The following WFDC9 variants were observed in gnomAD, a reference collection of about 807,000 sequenced individuals.
WFDC9 encodes the protein protein WFDC9.
A neutral mutation model predicts 9.5 loss-of-function variants in WFDC9; 9 were observed. That is an observed-to-expected ratio of 0.95 (90% CI 0.57 to 1.65). The LOEUF (loss-of-function observed/expected upper bound fraction) is 1.65. Among genes scored for constraint, WFDC9 ranks in the 40% most tolerant of loss-of-function variants. The pLI, the probability that WFDC9 is intolerant of heterozygous loss-of-function variation, is 0.00. For missense variants in WFDC9, 87 were observed against 106.7 expected, an observed-to-expected ratio of 0.82 and a Z score of 0.81; for synonymous variants, 33 against 32.3, an observed-to-expected ratio of 1.02 and a Z score of -0.07.
At chr20:45,619,607 T>C (rs757848159) in intron 1 of WFDC9, among the ~76,000 whole-genome samples, 29 of 152,308 alleles carry the variant, frequency 1.9e-4, no homozygotes, top group Middle Eastern at 6.8e-3. Flanking sequence ...AAAGTAATTA[T>C]GTAGGTAAAT....
chr20:45,625,807 CTTTTTTTTTTTT>C (rs76758338), intron 1 of WFDC9, among the ~76,000 whole-genome samples: 1 of 46,416 alleles, frequency 2.2e-5, no homozygotes, highest in Non-Finnish European at 3.7e-5. Context: ...GTTCTCTATT[CTTTTTTTTTTTT>C]TTTTTTTTTT....
chr20:45,626,417 A>G (rs555654697), intron 1 of WFDC9, among the ~76,000 whole-genome samples: 163 of 152,256 alleles, frequency 1.1e-3, no homozygotes, highest in African/African-American at 3.8e-3. Context: ...AACTCCTTCC[A>G]TCCATGAGCA....
At chr20:45,625,807 C>CTTCTTTTTTTTTTTTTTTTTTTT (rs1982204690) in intron 1 of WFDC9, among the ~76,000 whole-genome samples, 3 of 46,416 alleles carry the variant, frequency 6.5e-5, no homozygotes, top group Admixed American at 3.1e-4. Context: ...GTTCTCTATT[C>CTTCTTTTTTTTTTTTTTTTTTTT]TTTTTTTTTT....
At chr20:45,609,606 T>C (rs1981815761) in intron 3 of WFDC9, among the ~76,000 whole-genome samples, 1 of 152,182 alleles carries the variant, frequency 6.6e-6, no homozygotes, top group Admixed American at 6.5e-5. Context: ...AGTGTCTTTG[T>C]TGTCCACATT....
Position 45,608,137 on chromosome 20 carries a change from C to T in WFDC9, c.243G>A (p.Glu81=). ...AGGGGTTTAGCATTGATTTAAGGGG[C>T]TCTCTAGAAGAGAAAAGTTAGTCAA... ...YCGNICLDNE[E]PLKSMLNP is the part of the protein sequence containing the mutation. Residue 81 remains glutamate (E), a synonymous_variant, in exon 5 of 5, where the codon GAG becomes GAA. Transcript: ENST00000326000. 6.2e-7 allele frequency: 1 copy of T among 1,612,110 alleles called. No individual in the cohort carries two copies. Among genetic ancestry groups the T allele is most frequent in the Admixed American group, 1.7e-5 (1 of 59,420 alleles).
intron 1 of WFDC9, among the ~76,000 whole-genome samples, chr20:45,630,311 G>A (rs1982329292): frequency 6.6e-6 from 1 of 152,004 alleles, no homozygotes. Flanking sequence ...TAGGGAAATA[G>A]GACATAAGAC....
intron 1 of WFDC9, 115 bp downstream of exon 1, chr20:45,631,088 A>T: frequency 6.8e-7 from 1 of 1,468,888 alleles, no homozygotes; most frequent in Non-Finnish European, 9.0e-7. Context: ...CCACATCCGA[A>T]GCACAAGGAC....
chr20:45,615,128 A>G (rs1981944968), intron 1 of WFDC9, among the ~76,000 whole-genome samples: 1 of 152,194 alleles, frequency 6.6e-6, no homozygotes, highest in Non-Finnish European at 1.5e-5. Context: ...ATCTCCCACC[A>G]AATGCCCTCT....
At chr20:45,611,160 T>C (rs1981852156) in intron 2 of WFDC9, among the ~76,000 whole-genome samples, 2 of 152,206 alleles carry the variant, frequency 1.3e-5, no homozygotes, top group African/African-American at 4.8e-5. Context: ...CTCATGATAG[T>C]ATCTATTACA....
chr20:45,620,987 C>T (rs1410072894), intron 1 of WFDC9, among the ~76,000 whole-genome samples: 1 of 152,024 alleles, frequency 6.6e-6, no homozygotes, highest in Non-Finnish European at 1.5e-5. Flanking sequence ...TTATAGAAAA[C>T]AATCTTATGT....
chr20:45,626,680 T>C (rs1982225750), intron 1 of WFDC9, among the ~76,000 whole-genome samples: 1 of 152,238 alleles, frequency 6.6e-6, no homozygotes, highest in Non-Finnish European at 1.5e-5. Context: ...ACAGGTTTCT[T>C]GGTAGAGTCT....
chr20:45,622,361 T>C (rs1422452016), intron 1 of WFDC9, among the ~76,000 whole-genome samples: 4 of 152,244 alleles, frequency 2.6e-5, no homozygotes, highest in African/African-American at 7.2e-5. Flanking sequence ...TTCTCTATTC[T>C]TTTATGATCA....
chr20:45,624,858 T>C (rs1384329714), intron 1 of WFDC9, among the ~76,000 whole-genome samples: 2 of 152,202 alleles, frequency 1.3e-5, no homozygotes, highest in African/African-American at 4.8e-5. Context: ...ATTTTTTTCA[T>C]ATATTTGTTG....
At chr20:45,623,771 T>C (rs1241103515) in intron 1 of WFDC9, among the ~76,000 whole-genome samples, 1 of 152,238 alleles carries the variant, frequency 6.6e-6, no homozygotes, top group Non-Finnish European at 1.5e-5. Flanking sequence ...CATTTCTTTG[T>C]GTTGGGAACA....
chr20:45,629,862 C>T, intron 1 of WFDC9: 1 of 1,614,050 alleles, frequency 6.2e-7, no homozygotes, highest in Non-Finnish European at 8.5e-7. Context: ...TGTGCTGCTG[C>T]TGCAGGCCCA....
rs761349833 is a variant in WFDC9 at position 45,629,941 on chromosome 20, G to T, written c.-153+1262C>A. 4.4e-6 allele frequency: 7 copies of T among 1,607,842 alleles called. No individual in the cohort carries two copies. In the South Asian group the frequency reaches 5.5e-5, roughly 13 times the overall value. ...GCTGCTGGATGGGTGAGGGGGAATTGGGTAGGGGGAATGGAGGGCCTGTGT... is the reference window on the plus strand; with the variant it reads ...GCTGCTGGATGGGTGAGGGGGAATTTGGTAGGGGGAATGGAGGGCCTGTGT... On this transcript the variant is annotated intron_variant, in intron 1 of 4. Coordinates refer to ENST00000326000, the MANE Select transcript of WFDC9 (RefSeq NM_147198.4).
Position 45,608,138 on chromosome 20 carries a change from T to G in WFDC9, c.242A>C (p.Glu81Ala), listed in dbSNP as rs776654169. ...GGGGTTTAGCATTGATTTAAGGGGC[T>G]CTCTAGAAGAGAAAAGTTAGTCAAA... ...YCGNICLDNE[E>A]PLKSMLNP Residue 81 changes from glutamate (E) to alanine (A), a missense_variant and splice_region_variant, in exon 5 of 5, where the codon GAG (glutamate) becomes GCG (alanine). Transcript: ENST00000326000. The G allele has an allele frequency of 1.9e-6, 3 of 1,610,834 alleles. No homozygotes were observed. Among genetic ancestry groups the G allele is most frequent in the Non-Finnish European group, 2.5e-6 (3 of 1,179,140 alleles).
intron 1 of WFDC9, among the ~76,000 whole-genome samples, chr20:45,615,374 G>A (rs1981949763): frequency 6.6e-6 from 1 of 152,148 alleles, no homozygotes; most frequent in Non-Finnish European, 1.5e-5. Flanking sequence ...ACAGTCAAGT[G>A]GGCAGGAGGC....
At chr20:45,630,929 A>G (rs1163598221) in intron 1 of WFDC9, 2 of 1,612,530 alleles carry the variant, frequency 1.2e-6, no homozygotes, top group Admixed American at 1.7e-5. Flanking sequence ...ATATCTATGC[A>G]AACACTTATG....
Sources: gnomAD v4.1 joint callset for allele counts (sites outside exome capture counted in the v4.1 genomes callset) on GRCh38, gnomAD v4.1.1 for gene constraint, MANE v1.5 for transcripts, NCBI Gene and HGNC (gene_info 2026-07-23, HGNC 2026-07-21) for gene names.